Variants in ZNF254 observed in about 807,000 individuals in gnomAD.
ZNF254 encodes the protein CTD-2017D11.1.
Under a neutral mutation model 12.4 loss-of-function variants are expected in ZNF254, and 10 were observed. The ratio of observed to expected loss-of-function variants is 0.80; its 90% CI spans 0.50 to 1.36. ZNF254 has a LOEUF of 1.36. Among genes scored for constraint, ZNF254 ranks in the 40% most tolerant of loss-of-function variants. ZNF254 has a pLI of 0.00. For synonymous variants in ZNF254, 305 were observed against 253.4 expected, an observed-to-expected ratio of 1.20 and a Z score of -1.93; for missense variants, 996 against 763.9, an observed-to-expected ratio of 1.30 and a Z score of -3.58.
intron 2 of ZNF254, among the ~76,000 whole-genome samples, chr19:24,053,204 T>A (rs1036026033): frequency 2.0e-5 from 3 of 152,126 alleles, no homozygotes; most frequent in Non-Finnish European, 2.9e-5. Flanking sequence ...CACCTGTGAG[T>A]CAGTGACTTC....
chr19:24,060,886 C>T (rs1401981455), intron 2 of ZNF254, among the ~76,000 whole-genome samples: 2 of 152,124 alleles, frequency 1.3e-5, no homozygotes, highest in Non-Finnish European at 2.9e-5. Context: ...ATGTGACTCT[C>T]CTGTTTCTCC....
At chr19:24,046,093 A>G (rs1427159998) in intron 1 of ZNF254, 1 of 152,092 alleles carries the variant, frequency 6.6e-6, no homozygotes, top group Non-Finnish European at 1.5e-5. Flanking sequence ...AAAATCTTAT[A>G]TAATGTCCCC....
At chr19:24,107,349 T>C in intron 3 of ZNF254, 1 of 430,622 alleles carries the variant, frequency 2.3e-6, no homozygotes, top group South Asian at 6.3e-5. Flanking sequence ...CATTTTAAAA[T>C]TTATTAGTGT....
chr19:24,090,557 C>T (rs975321314), intron 1 of ZNF254, among the ~76,000 whole-genome samples: 1 of 152,174 alleles, frequency 6.6e-6, no homozygotes, highest in African/African-American at 2.4e-5. Flanking sequence ...ATGCCTCAGC[C>T]TCCCAAGTAG....
intron 3 of ZNF254, among the ~76,000 whole-genome samples, chr19:24,118,336 GC>G (rs1974250436): frequency 6.6e-6 from 1 of 152,118 alleles, no homozygotes; most frequent in African/African-American, 2.4e-5. Context: ...ACAGGCGTGA[GC>G]CACCTCACTT....
intron 2 of ZNF254, among the ~76,000 whole-genome samples, chr19:24,069,551 G>A (rs1971404810): frequency 1.5e-5 from 2 of 135,654 alleles, no homozygotes. Flanking sequence ...GTTGCAGTGA[G>A]CCAAGATCAC....
intron 3 of ZNF254, among the ~76,000 whole-genome samples, chr19:24,123,578 C>A (rs1324732493): frequency 6.6e-6 from 1 of 151,846 alleles, no homozygotes; most frequent in Non-Finnish European, 1.5e-5. Context: ...ATATTTGGAA[C>A]CCTAATGTGA....
rs372224098 is a variant in ZNF254 at position 24,087,548 on chromosome 19, G to T, written c.30+211G>T. On this transcript the variant is annotated intron_variant, in intron 1 of 3. Coordinates refer to ENST00000357002, the MANE Select transcript of ZNF254 (RefSeq NM_203282.4). The stretch of plus-strand genomic sequence containing the variant: ...CTTCCCTGCGCAGTGACTGTGCCCT[G>T]TCCTGGAGCCCTCTCTGGGCAGCTG... Among the ~76,000 whole-genome samples, 18 of 152,278 alleles carry T rather than the reference G, an allele frequency of 1.2e-4. 1 individual carries two copies. In the South Asian group the frequency reaches 3.5e-3, roughly 30 times the overall value.
intron 2 of ZNF254, among the ~76,000 whole-genome samples, chr19:24,051,565 GA>G (rs1970648355): frequency 6.6e-6 from 1 of 152,108 alleles, no homozygotes; most frequent in Non-Finnish European, 1.5e-5. Context: ...CACAAAAAGG[GA>G]TTGTGACATA....
chr19:24,085,076 C>T (rs1435077992), upstream of ZNF254, among the ~76,000 whole-genome samples: 1 of 151,372 alleles, frequency 6.6e-6, no homozygotes, highest in African/African-American at 2.4e-5. Flanking sequence ...GGACTACAGG[C>T]ACGCGCCACC....
intron 3 of ZNF254, among the ~76,000 whole-genome samples, chr19:24,107,673 C>T (rs1054665995): frequency 1.3e-5 from 2 of 152,022 alleles, no homozygotes; most frequent in African/African-American, 4.8e-5. Flanking sequence ...TTAAATTTTT[C>T]TTTTGACTAT....
At position 24,106,780 on chromosome 19, in the gene ZNF254, A is replaced by C. The variant is rs1011042848; in HGVS notation, c.253+137A>C. On this transcript the variant is annotated intron_variant, in intron 3 of 3. Coordinates refer to ENST00000357002, the MANE Select transcript of ZNF254 (RefSeq NM_203282.4). ...GAAGCCTAAATTTTTTTTTTAAATTATACTCTCACATAGGGGCATCTTCTG... is the reference window on the plus strand; with the variant it reads ...GAAGCCTAAATTTTTTTTTTAAATTCTACTCTCACATAGGGGCATCTTCTG... 6.7e-6 allele frequency: 4 copies of C among 599,058 alleles called. No individual in the cohort carries two copies. In the African/African-American group the frequency reaches 7.6e-5, roughly 11 times the overall value. 37.1% of individuals were successfully genotyped at this position (599,058 alleles called of 1,614,324 possible). A position where few individuals can be genotyped will look rare whatever the true frequency, so the allele number is the denominator to read the frequency against.
intron 2 of ZNF254, among the ~76,000 whole-genome samples, chr19:24,056,971 T>C (rs1970881280): frequency 6.7e-6 from 1 of 150,216 alleles, no homozygotes. Flanking sequence ...TGACATCTTT[T>C]TTCAGATCAT....
chr19:24,037,948 T>C lies in ZNF254; in HGVS notation c.-190+4327T>C, dbSNP rs771494914. On this transcript the variant is annotated intron_variant, in intron 1 of 4. Coordinates refer to the ZNF254 transcript ENST00000613065. ...TTTTAGTAGAGATGGAATTTCACCATGTTGACTGGGCTGGTCTCGAACTCC... is the reference window on the plus strand; with the variant it reads ...TTTTAGTAGAGATGGAATTTCACCACGTTGACTGGGCTGGTCTCGAACTCC... Among the ~76,000 whole-genome samples the C allele has an allele frequency of 4.1e-4, 63 of 152,246 alleles. 1 individual carries two copies. Among genetic ancestry groups the C allele is most frequent in the Non-Finnish European group, 8.2e-4 (56 of 68,024 alleles).
chr19:24,120,540 A>T (rs1405136769), intron 3 of ZNF254, among the ~76,000 whole-genome samples: 2 of 152,100 alleles, frequency 1.3e-5, no homozygotes, highest in Admixed American at 1.3e-4. Flanking sequence ...GATAGTAAAG[A>T]TTTCTACATT....
At chr19:24,118,513 G>A (rs977640863) in intron 3 of ZNF254, among the ~76,000 whole-genome samples, 7 of 151,724 alleles carry the variant, frequency 4.6e-5, no homozygotes, top group African/African-American at 1.5e-4. Flanking sequence ...TGTGTTTTTC[G>A]ATGAAAATGT....
chr19:24,074,241 G>A (rs947410611), intron 2 of ZNF254, among the ~76,000 whole-genome samples: 1 of 152,070 alleles, frequency 6.6e-6, no homozygotes, highest in African/African-American at 2.4e-5. Context: ...ATTCTACCAG[G>A]TCCCTGCACA....
intron 1 of ZNF254, among the ~76,000 whole-genome samples, chr19:24,044,649 G>A (rs553638023): frequency 6.8e-6 from 1 of 146,310 alleles, no homozygotes; most frequent in African/African-American, 2.5e-5. Context: ...TAGTTTTGTG[G>A]ATCTTATATT....
chr19:24,042,537 G>A (rs1427066769), intron 1 of ZNF254, among the ~76,000 whole-genome samples: 3 of 152,014 alleles, frequency 2.0e-5, no homozygotes, highest in Admixed American at 1.3e-4. Context: ...TGAAGCCAGC[G>A]ACACCACGAG....
Sources: allele counts gnomAD v4.1 joint callset (sites outside exome capture counted in the v4.1 genomes callset), GRCh38; gene constraint gnomAD v4.1.1; transcripts MANE v1.5; gene names NCBI Gene and HGNC (gene_info 2026-07-23, HGNC 2026-07-21).